The following ZBTB20 variants were observed in gnomAD, a reference collection of about 807,000 sequenced individuals.
The protein encoded by ZBTB20 is zinc finger and BTB domain-containing protein 20.
Under a neutral mutation model 56.9 loss-of-function variants are expected in ZBTB20, and 9 were observed. The observed-to-expected ratio is 0.16, with a 90% CI of 0.10 to 0.28. The LOEUF is 0.28. Ranked by LOEUF, ZBTB20 falls within the 10% of genes least tolerant of loss-of-function variation. The pLI, the probability that ZBTB20 is intolerant of heterozygous loss-of-function variation, is 1.00. For missense variants in ZBTB20, 655 were observed against 1,003.0 expected (o/e 0.65, Z 4.69); for synonymous variants, 417 against 420.7 (o/e 0.99, Z 0.11).
rs74771995 is a variant in ZBTB20 at position 114,481,300 on chromosome 3, T to C, written c.-255+19052A>G. On this transcript the variant is annotated intron_variant, in intron 7 of 11. Coordinates refer to ENST00000675478, the MANE Select transcript of ZBTB20 (RefSeq NM_001348800.3). ...AAAAACCTCATTTCCTGTAAGCTGC[T>C]GATGCTACTCAACAGAGTTGAAACT... Among the ~76,000 whole-genome samples, 33 of 150,724 alleles carry C rather than the reference T, an allele frequency of 2.2e-4. No homozygotes were observed. In the East Asian group the frequency reaches 6.2e-3, roughly 29 times the overall value.
chr3:114,590,138 A>C (rs2055591828), intron 6 of ZBTB20, among the ~76,000 whole-genome samples: 1 of 152,196 alleles, frequency 6.6e-6, no homozygotes, highest in African/African-American at 2.4e-5. Flanking sequence ...AATAAGCTTT[A>C]ATCGCTTTCT....
chr3:114,791,786 T>C (rs2070975695), intron 5 of ZBTB20: 2 of 151,906 alleles, frequency 1.3e-5, no homozygotes, highest in East Asian at 2.0e-4. Flanking sequence ...GTAACTCTCT[T>C]GTCTGAGCCA....
At chr3:114,768,876 G>C (rs2068970750) in intron 5 of ZBTB20, among the ~76,000 whole-genome samples, 1 of 152,126 alleles carries the variant, frequency 6.6e-6, no homozygotes, top group Non-Finnish European at 1.5e-5. Flanking sequence ...CTGATACCCA[G>C]TAATTTTGCT....
intron 7 of ZBTB20, among the ~76,000 whole-genome samples, chr3:114,495,427 G>A (rs911322943): frequency 6.6e-6 from 1 of 151,432 alleles, no homozygotes; most frequent in Non-Finnish European, 1.5e-5. Context: ...TGTCCCTGAG[G>A]TGTGTATCAG....
intron 3 of ZBTB20, among the ~76,000 whole-genome samples, chr3:114,911,596 C>G (rs1029823266): frequency 6.6e-6 from 1 of 151,644 alleles, no homozygotes; most frequent in East Asian, 1.9e-4. Context: ...AACAGATACC[C>G]TATAGCTGAA....
chr3:114,419,741 A>C (rs1015145958), intron 7 of ZBTB20, among the ~76,000 whole-genome samples: 5 of 152,184 alleles, frequency 3.3e-5, no homozygotes, highest in African/African-American at 9.7e-5. Context: ...CTACGTTGCC[A>C]AAACAACTGA....
chr3:114,718,826 T>A (rs970580156), intron 5 of ZBTB20, among the ~76,000 whole-genome samples: 1 of 152,048 alleles, frequency 6.6e-6, no homozygotes, highest in East Asian at 1.9e-4. Flanking sequence ...TTTTCTTTTA[T>A]CTAGACTATA....
chr3:114,979,211 T>G (rs2078232519), intron 2 of ZBTB20, among the ~76,000 whole-genome samples: 1 of 152,026 alleles, frequency 6.6e-6, no homozygotes, highest in African/African-American at 2.4e-5. Context: ...GAGGTTACAT[T>G]TATACTGTGA....
intron 5 of ZBTB20, among the ~76,000 whole-genome samples, chr3:114,697,107 A>C (rs1340776578): frequency 6.6e-6 from 1 of 151,692 alleles, no homozygotes; most frequent in Non-Finnish European, 1.5e-5. Flanking sequence ...GAAAAAAAAA[A>C]AAGCATTAGA....
chr3:114,669,450 T>A (rs1229830670), intron 6 of ZBTB20, among the ~76,000 whole-genome samples: 1 of 152,046 alleles, frequency 6.6e-6, no homozygotes, highest in Non-Finnish European at 1.5e-5. Flanking sequence ...AAACAGGTAG[T>A]TGTTTGAAAG....
intron 6 of ZBTB20, among the ~76,000 whole-genome samples, chr3:114,613,091 A>G (rs6793197): frequency 0.013 from 1,939 of 152,338 alleles, 41 homozygotes; most frequent in South Asian, 0.068. Flanking sequence ...AAGCATTGGC[A>G]AAGGCATACA....
chr3:114,774,808 A>G (rs1439187812), intron 5 of ZBTB20, among the ~76,000 whole-genome samples: 1 of 152,150 alleles, frequency 6.6e-6, no homozygotes, highest in African/African-American at 2.4e-5. Flanking sequence ...ATTTTAGACA[A>G]TTCCTTAAAT....
chr3:114,485,078 C>T (rs917021893), intron 7 of ZBTB20, among the ~76,000 whole-genome samples: 3 of 152,126 alleles, frequency 2.0e-5, no homozygotes, highest in African/African-American at 7.2e-5. Flanking sequence ...TGACTCTGCC[C>T]CTCCTGGGTC....
At chr3:114,440,981 T>TG (rs1486137416) in intron 7 of ZBTB20, among the ~76,000 whole-genome samples, 3 of 152,216 alleles carry the variant, frequency 2.0e-5, no homozygotes, top group Admixed American at 6.5e-5. Context: ...TCAGTTACGG[T>TG]GACATATTTG....
intron 6 of ZBTB20, among the ~76,000 whole-genome samples, chr3:114,543,638 G>A (rs1323685539): frequency 1.3e-5 from 2 of 152,166 alleles, no homozygotes; most frequent in East Asian, 3.8e-4. Context: ...TCCAGCATGA[G>A]CCAAGGACTC....
At chr3:114,805,592 T>C (rs2072042759) in intron 4 of ZBTB20, among the ~76,000 whole-genome samples, 1 of 151,526 alleles carries the variant, frequency 6.6e-6, no homozygotes, top group Non-Finnish European at 1.5e-5. Flanking sequence ...TACTTAGTTT[T>C]AATAAACATA....
chr3:115,126,107 C>T (rs895198959), intron 1 of ZBTB20, among the ~76,000 whole-genome samples: 14 of 152,286 alleles, frequency 9.2e-5, no homozygotes, highest in African/African-American at 3.1e-4. Flanking sequence ...TACATGTTCA[C>T]AGCCTTGTTT....
At chr3:114,417,282 G>T (rs1439203854) in intron 7 of ZBTB20, among the ~76,000 whole-genome samples, 1 of 152,012 alleles carries the variant, frequency 6.6e-6, no homozygotes, top group Non-Finnish European at 1.5e-5. Context: ...AATGGCTGTT[G>T]CACATTTGCA....
At chr3:114,600,461 G>A (rs1034025532) in intron 6 of ZBTB20, among the ~76,000 whole-genome samples, 1 of 151,856 alleles carries the variant, frequency 6.6e-6, no homozygotes, top group Non-Finnish European at 1.5e-5. Context: ...AAGTCTAGTG[G>A]AATTTATTTG....
Sources: gnomAD v4.1 joint callset for allele counts (sites outside exome capture counted in the v4.1 genomes callset) on GRCh38, gnomAD v4.1.1 for gene constraint, MANE v1.5 for transcripts, NCBI Gene and HGNC (gene_info 2026-07-23, HGNC 2026-07-21) for gene names.